Variants in PCCA observed in about 807,000 individuals in gnomAD.
PCCA encodes propionyl-CoA carboxylase subunit alpha.
Under a neutral mutation model 101.3 loss-of-function variants are expected in PCCA, and 74 were observed. The observed-to-expected ratio is 0.73, with a 90% CI of 0.61 to 0.89. The LOEUF (loss-of-function observed/expected upper bound fraction) is 0.89, where lower values mean the gene tolerates loss of function less well. PCCA is among the 40% of genes least tolerant of loss of function. The pLI, the probability that PCCA is intolerant of heterozygous loss-of-function variation, is 0.00. For synonymous variants in PCCA, 294 were observed against 313.6 expected (o/e 0.94, Z 0.66); for missense variants, 891 against 907.0 (o/e 0.98, Z 0.23).
At chr13:100,488,963 C>T (rs2084652318) in intron 21 of PCCA, among the ~76,000 whole-genome samples, 1 of 152,038 alleles carries the variant, frequency 6.6e-6, no homozygotes, top group African/African-American at 2.4e-5. Flanking sequence ...CATCAGGCAA[C>T]ACTACTCTAG....
chr13:100,446,550 T>C (rs141103761), intron 20 of PCCA, among the ~76,000 whole-genome samples: 1,585 of 152,306 alleles, frequency 0.01, 88 homozygotes, highest in Admixed American at 0.088. Flanking sequence ...CAGCCAGCAG[T>C]GCCCAACACA....
chr13:100,238,228 G>A lies in PCCA; in HGVS notation c.637+2350G>A, dbSNP rs115124119. ...GTGCCGGGATTACAGGCATAAGCCA[G>A]TGCACCTGGCCATTTTCCACTTTCG... is the stretch of plus-strand genomic sequence containing the variant. On this transcript the variant is annotated intron_variant, in intron 8 of 23. Transcript: ENST00000376285. Among the ~76,000 whole-genome samples, 1,031 of 152,054 alleles carry A rather than the reference G, an allele frequency of 6.8e-3. 19 individuals are homozygous for A. Among genetic ancestry groups the A allele is most frequent in the South Asian group, 0.027 (132 of 4,812 alleles).
intron 6 of PCCA, chr13:100,160,722 A>ATTG (rs928968317): frequency 1.1e-3 from 168 of 152,294 alleles, no homozygotes; most frequent in African/African-American, 4.0e-3. Context: ...GACTATGAGG[A>ATTG]TTGTTAGGAT....
chr13:100,311,236 G>GA (rs34801958), intron 16 of PCCA, among the ~76,000 whole-genome samples: 73,057 of 149,734 alleles, frequency 0.49, 17,930 homozygotes, highest in Middle Eastern at 0.55. Flanking sequence ...CCGTCTCAAT[G>GA]AAAAAAAAAA....
At chr13:100,258,922 G>GGCGT (rs2062257338) in intron 9 of PCCA, among the ~76,000 whole-genome samples, 1 of 152,160 alleles carries the variant, frequency 6.6e-6, no homozygotes, top group Non-Finnish European at 1.5e-5. Flanking sequence ...GATCAACACA[G>GGCGT]GCGTGCCTAT....
chr13:100,458,730 G>A (rs2081975158), intron 21 of PCCA, among the ~76,000 whole-genome samples: 1 of 152,068 alleles, frequency 6.6e-6, no homozygotes, highest in Non-Finnish European at 1.5e-5. Flanking sequence ...TAACAGAATG[G>A]GACATTCAGA....
chr13:100,246,563 A>C (rs1179787167), intron 8 of PCCA, among the ~76,000 whole-genome samples: 1 of 152,002 alleles, frequency 6.6e-6, no homozygotes, highest in African/African-American at 2.4e-5. Flanking sequence ...CCTGGGCTCT[A>C]CTGATCCTCC....
At chr13:100,123,291 G>A (rs1378903864) in intron 4 of PCCA, among the ~76,000 whole-genome samples, 1 of 152,144 alleles carries the variant, frequency 6.6e-6, no homozygotes, top group South Asian at 2.1e-4. Context: ...CTGACCTCAG[G>A]TGATCCACCC....
chr13:100,305,442 GTTC>G (rs1382531731), intron 14 of PCCA, among the ~76,000 whole-genome samples: 1 of 152,140 alleles, frequency 6.6e-6, no homozygotes, highest in African/African-American at 2.4e-5. Context: ...GAACATCTAA[GTTC>G]TTCCTAGCTT....
rs75959759 is a variant in PCCA, at chr13:100,145,403, A to T, written c.301-9576A>T. 6.6e-3 allele frequency among the ~76,000 whole-genome samples: 1,010 copies of T among 152,276 alleles called. 14 individuals are homozygous for T. Among genetic ancestry groups the T allele is most frequent in the African/African-American group, 0.015 (637 of 41,556 alleles). On this transcript the variant is annotated intron_variant, in intron 4 of 23. Transcript: ENST00000376285. ...GTGACAGCCAAAACTATCTACAGAC[A>T]TTGCCAACTGTGTCCTGGGGGACAA...
chr13:100,289,556 A>T lies in PCCA; in HGVS notation c.1066-11904A>T, dbSNP rs529447851. Among the ~76,000 whole-genome samples the T allele has an allele frequency of 4.8e-3, 732 of 151,476 alleles. 7 individuals are homozygous for T. The highest frequency in any genetic ancestry group is 0.014 in the African/African-American group (598 of 41,386). On this transcript the variant is annotated intron_variant, in intron 12 of 23. Transcript: ENST00000376285. ...TATTTATTTTATCTTATATTTAAAA[A>T]TTTTTTTTCTTGTTTTCCATTTTGT...
chr13:100,508,645 A>G (rs575358521), intron 21 of PCCA, among the ~76,000 whole-genome samples: 5 of 152,316 alleles, frequency 3.3e-5, no homozygotes, highest in Non-Finnish European at 7.3e-5. Flanking sequence ...CAGAAACCAT[A>G]TATTTTCTTC....
At chr13:100,349,184 C>T (rs1044672794) in intron 18 of PCCA, among the ~76,000 whole-genome samples, 6 of 150,438 alleles carry the variant, frequency 4.0e-5, no homozygotes, top group Non-Finnish European at 5.9e-5. Flanking sequence ...AGTGCGATGG[C>T]GCAATCTCAG....
chr13:100,523,831 C>A (rs2087498558), intron 22 of PCCA, among the ~76,000 whole-genome samples: 1 of 152,254 alleles, frequency 6.6e-6, no homozygotes, highest in Non-Finnish European at 1.5e-5. Flanking sequence ...GTAAGCCCAA[C>A]ATTGGAGACA....
At chr13:100,340,062 A>G in intron 17 of PCCA, 95 bp from the exon 18 acceptor site, 2 of 787,054 alleles carry the variant, frequency 2.5e-6, no homozygotes, top group Non-Finnish European at 2.3e-6. Context: ...TGCCCTATAA[A>G]ATACTTGTTT....
At chr13:100,196,386 C>T (rs1473161065) in intron 6 of PCCA, among the ~76,000 whole-genome samples, 1 of 152,114 alleles carries the variant, frequency 6.6e-6, no homozygotes, top group African/African-American at 2.4e-5. Flanking sequence ...GTAGGAGAAA[C>T]AAGGTTTTAT....
intron 6 of PCCA, among the ~76,000 whole-genome samples, chr13:100,160,489 C>T (rs754533762): frequency 5.5e-5 from 8 of 146,206 alleles, no homozygotes; most frequent in Non-Finnish European, 1.2e-4. Context: ...GGCAACAGAG[C>T]GAGACTCTGT....
At chr13:100,398,069 A>T (rs1011708872) in intron 19 of PCCA, among the ~76,000 whole-genome samples, 1 of 152,158 alleles carries the variant, frequency 6.6e-6, no homozygotes, top group African/African-American at 2.4e-5. Flanking sequence ...AGGATTTATG[A>T]TTTTGTTTAC....
intron 10 of PCCA, among the ~76,000 whole-genome samples, chr13:100,267,319 A>T (rs1163199859): frequency 1.3e-5 from 2 of 152,130 alleles, no homozygotes; most frequent in Non-Finnish European, 2.9e-5. Flanking sequence ...ATTCCAGCTT[A>T]TTGGCATTTT....
Sources: allele counts gnomAD v4.1 joint callset (sites outside exome capture counted in the v4.1 genomes callset), GRCh38; gene constraint gnomAD v4.1.1; transcripts MANE v1.5; gene names NCBI Gene and HGNC (gene_info 2026-07-23, HGNC 2026-07-21).